Variants in TMEM268 observed in about 807,000 individuals in gnomAD.
TMEM268 encodes the protein transmembrane protein 268.
In TMEM268, 24 loss-of-function variants were observed where a neutral mutation model predicts 39.1. The observed-to-expected ratio is 0.61, with a 90% CI of 0.44 to 0.86. The LOEUF is 0.86. TMEM268 is among the 40% of genes least tolerant of loss of function. The pLI is 0.00. For missense variants in TMEM268, 409 were observed against 428.6 expected (o/e 0.95, Z 0.40); for synonymous variants, 176 against 173.5 (o/e 1.01, Z -0.12).
At chr9:114,641,091 G>A (rs1827313010) in intron 8 of TMEM268, among the ~76,000 whole-genome samples, 1 of 152,066 alleles carries the variant, frequency 6.6e-6, no homozygotes, top group Non-Finnish European at 1.5e-5. Flanking sequence ...GGCCAGGCTG[G>A]TCTTGAACTC....
intron 5 of TMEM268, among the ~76,000 whole-genome samples, chr9:114,631,946 TA>T (rs1181804201): frequency 6.6e-6 from 1 of 151,700 alleles, no homozygotes; most frequent in African/African-American, 2.4e-5. Context: ...ACAAAAAATT[TA>T]AAAGTTAGCT....
intron 3 of TMEM268, among the ~76,000 whole-genome samples, chr9:114,626,344 G>A (rs532976191): frequency 3.4e-4 from 52 of 152,238 alleles, no homozygotes; most frequent in Non-Finnish European, 5.9e-4. Context: ...GCTTTTGTTT[G>A]GGCAGGAAGA....
chr9:114,631,667 G>A (rs1296176957), intron 5 of TMEM268, among the ~76,000 whole-genome samples: 1 of 152,116 alleles, frequency 6.6e-6, no homozygotes, highest in Non-Finnish European at 1.5e-5. Flanking sequence ...ATTTCTAGAA[G>A]GAAGAAATCC....
chr9:114,606,724 T>C (rs182835947), upstream of TMEM268, among the ~76,000 whole-genome samples: 478 of 151,062 alleles, frequency 3.2e-3, 3 homozygotes, highest in African/African-American at 0.011. Flanking sequence ...CAGGTCTGTC[T>C]GAGTTCCCAG....
intron 2 of TMEM268, among the ~76,000 whole-genome samples, chr9:114,620,533 G>A (rs1165929291): frequency 6.6e-6 from 1 of 152,128 alleles, no homozygotes; most frequent in Non-Finnish European, 1.5e-5. Flanking sequence ...GCAGGCGTGA[G>A]CCACCATGCC....
chr9:114,622,098 A>G (rs1845969109), intron 2 of TMEM268: 1 of 985,276 alleles, frequency 1.0e-6, no homozygotes, highest in African/African-American at 1.7e-5. Context: ...TTGTTTGCCT[A>G]GTTGGCAGGG....
chr9:114,635,380 A>G (rs142222354), intron 6 of TMEM268, among the ~76,000 whole-genome samples: 212 of 150,708 alleles, frequency 1.4e-3, no homozygotes, highest in African/African-American at 4.9e-3. Flanking sequence ...AAACAAAACA[A>G]AAAAGAGACA....
chr9:114,615,931 A>G (rs1008182191), intron 1 of TMEM268, among the ~76,000 whole-genome samples: 2 of 150,442 alleles, frequency 1.3e-5, no homozygotes, highest in African/African-American at 2.5e-5. Context: ...ACCTCAGGTG[A>G]TTCGCCCACT....
At chr9:114,637,662 CT>C (rs1161210198) in intron 7 of TMEM268, among the ~76,000 whole-genome samples, 1 of 152,102 alleles carries the variant, frequency 6.6e-6, no homozygotes, top group Non-Finnish European at 1.5e-5. Flanking sequence ...ATTGAGGCAA[CT>C]TTTACTTGTT....
At chr9:114,631,806 A>G (rs1215728319) in intron 5 of TMEM268, among the ~76,000 whole-genome samples, 2 of 152,100 alleles carry the variant, frequency 1.3e-5, no homozygotes, top group African/African-American at 2.4e-5. Flanking sequence ...TCATGCAAAC[A>G]ATCACGTTAA....
intron 2 of TMEM268, among the ~76,000 whole-genome samples, chr9:114,618,585 C>G (rs1010000463): frequency 6.6e-6 from 1 of 151,852 alleles, no homozygotes; most frequent in African/African-American, 2.4e-5. Flanking sequence ...ATCACTTGAA[C>G]CAGAGAGGCA....
rs562272922 is a variant in TMEM268 at position 114,626,198 on chromosome 9, A to G, written c.217-701A>G. Among the ~76,000 whole-genome samples, 10 of 152,274 alleles carry G rather than the reference A, an allele frequency of 6.6e-5. No homozygotes were observed. The South Asian group carries it at 1.2e-3, about 19-fold the overall frequency. ...GCCTGGTCTTGAACTCCTAGGCTCA[A>G]GCAGTCCACCTGCCTTGGTCTCCCA... On this transcript the variant is annotated intron_variant, in intron 3 of 8. Transcript: ENST00000288502.
Position 114,643,285 on chromosome 9 carries a change from C to G in TMEM268, c.1001C>G (p.Thr334Arg). 1 of 1,614,128 alleles carries G rather than the reference C, an allele frequency of 6.2e-7. No individual in the cohort carries two copies. Among genetic ancestry groups the G allele is most frequent in the East Asian group, 2.2e-5 (1 of 44,882 alleles). The change falls in exon 9 of 9, where the codon ACA (threonine) becomes AGA (arginine). Residue 334 changes from threonine to arginine, a missense_variant. Coordinates refer to ENST00000288502, the MANE Select transcript of TMEM268 (RefSeq NM_153045.4). ...CTCATAGAAGCCTACATCCTAGGCACAGGGTGCTGCCCGTTCCTGGCGAGG... is the reference window on the plus strand; with the variant it reads ...CTCATAGAAGCCTACATCCTAGGCAGAGGGTGCTGCCCGTTCCTGGCGAGG... ...CQLIEAYILG[T>R]GCCPFLAR
chr9:114,604,495 G>T, the TMEM268 span, among the ~76,000 whole-genome samples: 1 of 148,356 alleles, frequency 6.7e-6, no homozygotes, highest in Non-Finnish European at 1.5e-5. Context: ...CATGAGAATC[G>T]CTTGAGCCTG....
rs1014934156 is a variant in TMEM268, at chr9:114,622,364, C to G, written c.107-1986C>G. 14 of 985,180 alleles carry G rather than the reference C, an allele frequency of 1.4e-5. 1 individual carries two copies. In the Admixed American group the frequency reaches 8.6e-4, roughly 61 times the overall value. 61.0% of individuals were successfully genotyped at this position (985,180 alleles called of 1,614,324 possible). ...GCAGTGCATGGCTGAAACCTGGGATCCTAGAATCCCAGGGCTGGAATCTCT... is the reference window on the plus strand; with the variant it reads ...GCAGTGCATGGCTGAAACCTGGGATGCTAGAATCCCAGGGCTGGAATCTCT... On this transcript the variant is annotated intron_variant, in intron 2 of 8. Coordinates refer to ENST00000288502, the MANE Select transcript of TMEM268 (RefSeq NM_153045.4).
intron 3 of TMEM268, among the ~76,000 whole-genome samples, chr9:114,626,321 A>G (rs1444922157): frequency 6.6e-6 from 1 of 152,122 alleles, no homozygotes; most frequent in East Asian, 1.9e-4. Context: ...CGGGGCCTTT[A>G]TATTCTATAG....
chr9:114,616,659 C>A (rs994568642), intron 1 of TMEM268, among the ~76,000 whole-genome samples: 1 of 151,912 alleles, frequency 6.6e-6, no homozygotes, highest in Admixed American at 6.6e-5. Flanking sequence ...AGCCACCGTG[C>A]CTGGCTGATT....
chr9:114,643,103 G>A, intron 8 of TMEM268, 31 bp from the exon 9 acceptor site: 3 of 1,612,772 alleles, frequency 1.9e-6, no homozygotes, highest in Non-Finnish European at 2.5e-6. Flanking sequence ...GCTCCCCTGT[G>A]GTATTCAATC....
intron 1 of TMEM268, among the ~76,000 whole-genome samples, chr9:114,615,235 C>T (rs927229741): frequency 5.3e-5 from 8 of 152,098 alleles, no homozygotes; most frequent in Non-Finnish European, 8.8e-5. Context: ...CTGAGTGGTT[C>T]CTGCTACGCC....
Sources: allele counts gnomAD v4.1 joint callset (sites outside exome capture counted in the v4.1 genomes callset), GRCh38; gene constraint gnomAD v4.1.1; transcripts MANE v1.5; gene names NCBI Gene and HGNC (gene_info 2026-07-23, HGNC 2026-07-21).